The following ITPR1 variants were observed in gnomAD, a reference collection of about 807,000 sequenced individuals.
ITPR1 encodes the protein inositol 1,4,5-trisphosphate receptor type 1, also known as inositol 1,4,5-trisphosphate-gated calcium channel ITPR1.
In ITPR1, 96 loss-of-function variants were observed where a neutral mutation model predicts 318.4. The observed-to-expected ratio is 0.30, with a 90% CI of 0.26 to 0.36. ITPR1 has a LOEUF of 0.36. Among genes scored for constraint, ITPR1 ranks in the 10% least tolerant of loss-of-function variants. The probability of loss-of-function intolerance (pLI) is 1.00; values close to 1 mark genes in which losing one functional copy is unlikely to be tolerated. For missense variants in ITPR1, 2,440 were observed against 3,460.2 expected (o/e 0.71, Z 7.40); for synonymous variants, 1,312 against 1,289.9 (o/e 1.02, Z -0.37).
chr3:4,796,312 T>C (rs1389202650), intron 53 of ITPR1, among the ~76,000 whole-genome samples: 1 of 149,100 alleles, frequency 6.7e-6, no homozygotes, highest in Non-Finnish European at 1.5e-5. Flanking sequence ...TTTTTTTTAA[T>C]GTCATGTCAG....
At chr3:4,741,547 CTT>C (rs5846335) in intron 44 of ITPR1, among the ~76,000 whole-genome samples, 231 of 147,526 alleles carry the variant, frequency 1.6e-3, no homozygotes, top group Non-Finnish European at 1.6e-3. Flanking sequence ...ACACCACACT[CTT>C]TTTTTTTTTT....
At chr3:4,774,506 A>G (rs1393137469) in intron 46 of ITPR1, among the ~76,000 whole-genome samples, 1 of 152,238 alleles carries the variant, frequency 6.6e-6, no homozygotes, top group Non-Finnish European at 1.5e-5. Context: ...CTTCTTTTTA[A>G]GAACAGATGA....
chr3:4,610,890 TC>T, intron 4 of ITPR1, among the ~76,000 whole-genome samples: 1 of 110,970 alleles, frequency 9.0e-6, no homozygotes, highest in African/African-American at 3.5e-5. Context: ...TCTCTCCCCT[TC>T]CCCCTTCCCC....
chr3:4,566,723 C>T (rs2087322925), intron 4 of ITPR1, among the ~76,000 whole-genome samples: 2 of 152,098 alleles, frequency 1.3e-5, no homozygotes, highest in East Asian at 1.9e-4. Context: ...CTCCACCTTC[C>T]CTTCATTGTT....
chr3:4,679,905 G>A (rs2094262939), intron 24 of ITPR1, among the ~76,000 whole-genome samples: 1 of 152,190 alleles, frequency 6.6e-6, no homozygotes, highest in South Asian at 2.1e-4. Context: ...TTGCTGGGAG[G>A]CTAAGCAGAG....
intron 2 of ITPR1, among the ~76,000 whole-genome samples, chr3:4,506,029 C>T (rs959324736): frequency 6.6e-6 from 1 of 152,146 alleles, no homozygotes; most frequent in African/African-American, 2.4e-5. Flanking sequence ...ATGCTTCCTC[C>T]GTCCCCCTTT....
At chr3:4,693,778 C>A (rs1275920016) in intron 33 of ITPR1, 37 bp downstream of exon 33, 10 of 1,585,926 alleles carry the variant, frequency 6.3e-6, no homozygotes, top group Middle Eastern at 1.7e-4. Flanking sequence ...CTTCTCGTTG[C>A]TATGTGGTGT....
rs2093873570 is a variant in ITPR1, at chr3:4,663,168, C to T, written c.1516C>T (p.Arg506Trp). The change falls in exon 16 of 62, where the codon CGG (arginine) becomes TGG (tryptophan). Residue 506 changes from arginine to tryptophan, a missense_variant. Arg to Trp is a moderately radical substitution (Grantham distance 101). This residue lies in a region of ITPR1 where 478 missense variants were observed against 696.3 expected (regional missense o/e 0.69). Coordinates refer to ENST00000649015, the MANE Select transcript of ITPR1 (RefSeq NM_001378452.1). ...EVVFSKPNRE[R>W]QKLMREQNIL... ...TGTCTTCTCCAAGCCCAACAGAGAA[C>T]GGCAGAAACTGATGAGAGAACAGAA... 8 of 1,613,378 alleles carry T rather than the reference C, an allele frequency of 5.0e-6. No individual in the cohort carries two copies. The highest frequency in any genetic ancestry group is 2.2e-5 in the East Asian group (1 of 44,868).
chr3:4,579,992 C>T (rs190353905), intron 4 of ITPR1, among the ~76,000 whole-genome samples: 5 of 152,108 alleles, frequency 3.3e-5, no homozygotes, highest in Non-Finnish European at 7.4e-5. Flanking sequence ...GGGTGGATCA[C>T]GAAGTCAGGA....
intron 4 of ITPR1, among the ~76,000 whole-genome samples, chr3:4,586,288 C>T (rs951779274): frequency 3.9e-5 from 6 of 152,096 alleles, no homozygotes; most frequent in East Asian, 1.9e-4. Flanking sequence ...AAGCTTTACC[C>T]GTTTCTACCA....
chr3:4,674,173 TG>T (rs1210241072), intron 21 of ITPR1, 28 bp from the exon 22 acceptor site: 2 of 1,526,326 alleles, frequency 1.3e-6, no homozygotes, highest in Admixed American at 2.3e-5. Flanking sequence ...CTTGAAATTT[TG>T]TTTCCTTTCT....
intron 44 of ITPR1, among the ~76,000 whole-genome samples, chr3:4,758,316 G>A (rs965954856): frequency 1.9e-4 from 29 of 152,240 alleles, no homozygotes; most frequent in Admixed American, 1.1e-3. Context: ...TCCTGCAGCC[G>A]TCACTCTGTG....
chr3:4,507,459 T>C (rs2081475523), intron 2 of ITPR1, among the ~76,000 whole-genome samples: 1 of 152,172 alleles, frequency 6.6e-6, no homozygotes, highest in Non-Finnish European at 1.5e-5. Flanking sequence ...TTGTATGAGA[T>C]CTTTCTGTTC....
chr3:4,593,309 G>A (rs1022946508), intron 4 of ITPR1, among the ~76,000 whole-genome samples: 2 of 152,104 alleles, frequency 1.3e-5, no homozygotes, highest in African/African-American at 2.4e-5. Context: ...CTTAGTAACT[G>A]TTGTATTTGT....
At chr3:4,595,492 A>G (rs375614573) in intron 4 of ITPR1, among the ~76,000 whole-genome samples, 1 of 152,350 alleles carries the variant, frequency 6.6e-6, no homozygotes, top group East Asian at 1.9e-4. Context: ...CACCTCCAAC[A>G]CTGGGAATTA....
chr3:4,622,109 CT>C (rs894926425), intron 4 of ITPR1, among the ~76,000 whole-genome samples: 3,456 of 105,836 alleles, frequency 0.033, 50 homozygotes, highest in African/African-American at 0.11. Flanking sequence ...ACATAGTAGA[CT>C]TTTTTTTTTT....
intron 4 of ITPR1, among the ~76,000 whole-genome samples, chr3:4,523,750 G>T (rs1261345687): frequency 6.6e-6 from 1 of 152,188 alleles, no homozygotes; most frequent in South Asian, 2.1e-4. Context: ...AAATGAACCA[G>T]GGACTGTTTG....
chr3:4,745,757 A>G (rs1312644566), intron 44 of ITPR1, among the ~76,000 whole-genome samples: 7 of 152,096 alleles, frequency 4.6e-5, no homozygotes, highest in African/African-American at 1.4e-4. Context: ...CAAATCCCTG[A>G]TGGGCATCTC....
At position 4,539,854 on chromosome 3, in the gene ITPR1, G is replaced by A. The variant is rs140315795; in HGVS notation, c.163+18760G>A. Among the ~76,000 whole-genome samples, 140 of 152,120 alleles carry A rather than the reference G, an allele frequency of 9.2e-4. 1 individual carries two copies. The East Asian group carries it at 0.02, about 22-fold the overall frequency. The stretch of plus-strand genomic sequence containing the variant: ...TTTAGAGAGTCCTTACCAGCAAGAG[G>A]GCTGTCACCAGATGTGGCCTCTGAC... On this transcript the variant is annotated intron_variant, in intron 4 of 61. Coordinates refer to ENST00000649015, the MANE Select transcript of ITPR1 (RefSeq NM_001378452.1).
Sources: gnomAD v4.1 joint callset for allele counts (sites outside exome capture counted in the v4.1 genomes callset) on GRCh38, gnomAD v4.1.1 for gene constraint, gnomAD v4.1.1 regional missense constraint, MANE v1.5 for transcripts, NCBI Gene and HGNC (gene_info 2026-07-23, HGNC 2026-07-21) for gene names.